Variants in INSC observed in about 807,000 individuals in gnomAD.
INSC encodes protein inscuteable homolog.
INSC carries 67 observed loss-of-function variants against 58.6 expected under a neutral mutation model. The observed-to-expected ratio is 1.14, with a 90% CI of 0.94 to 1.40. The LOEUF (loss-of-function observed/expected upper bound fraction) is 1.40. Among genes scored for constraint, INSC ranks in the 40% most tolerant of loss-of-function variants. INSC has a pLI of 0.00. For synonymous variants in INSC, 262 were observed against 276.1 expected (o/e 0.95, Z 0.51); for missense variants, 714 against 692.0 (o/e 1.03, Z -0.36).
At chr11:15,257,947 A>G in the INSC span, among the ~76,000 whole-genome samples, 3 of 152,096 alleles carry the variant, frequency 2.0e-5, no homozygotes, top group African/African-American at 7.2e-5. Context: ...ACTAAAACAC[A>G]TGGGAAAGAT....
intron 1 of INSC, among the ~76,000 whole-genome samples, chr11:15,119,000 G>C (rs1472579555): frequency 1.3e-5 from 2 of 152,204 alleles, no homozygotes; most frequent in African/African-American, 4.8e-5. Context: ...AGCTAGCAAA[G>C]ATTCCTTTCC....
chr11:15,167,624 C>T (rs1266671328), intron 2 of INSC, among the ~76,000 whole-genome samples: 1 of 151,552 alleles, frequency 6.6e-6, no homozygotes, highest in Non-Finnish European at 1.5e-5. Context: ...GAAGAGCCAC[C>T]ATGCTCAGCT....
intron 5 of INSC, among the ~76,000 whole-genome samples, chr11:15,185,940 GA>G (rs1046800436): frequency 3.3e-5 from 5 of 152,224 alleles, no homozygotes; most frequent in African/African-American, 1.2e-4. Flanking sequence ...GGTGAAATGA[GA>G]AAAAAATTCT....
At chr11:15,159,975 A>G (rs7109292) in intron 2 of INSC, among the ~76,000 whole-genome samples, 11,930 of 152,342 alleles carry the variant, frequency 0.078, 521 homozygotes, top group African/African-American at 0.11. Flanking sequence ...AATGTAATTA[A>G]GTTCCATACA....
chr11:15,112,389 G>A (rs1315510525), upstream of INSC: 5 of 1,230,730 alleles, frequency 4.1e-6, no homozygotes, highest in East Asian at 9.5e-5. Flanking sequence ...CCATGGCCCA[G>A]AAGGGTGGGC....
chr11:15,115,136 A>G (rs1590318305), intron 1 of INSC, 133 bp downstream of exon 1: 9 of 475,250 alleles, frequency 1.9e-5, no homozygotes, highest in Non-Finnish European at 2.5e-5. Flanking sequence ...TGTGAAGGGG[A>G]GCTTGCGCCA....
At chr11:15,202,083 A>G (rs1322057322) in intron 7 of INSC, among the ~76,000 whole-genome samples, 7 of 152,340 alleles carry the variant, frequency 4.6e-5, no homozygotes, top group Admixed American at 2.6e-4. Context: ...GAATCTGCTC[A>G]TTTTACAGAT....
At chr11:15,180,781 C>T (rs1380029859) in intron 5 of INSC, among the ~76,000 whole-genome samples, 1 of 151,860 alleles carries the variant, frequency 6.6e-6, no homozygotes, top group African/African-American at 2.4e-5. Context: ...TGGTGCTTTC[C>T]CCCTTCCCTG....
At chr11:15,196,095 AGC>A in intron 6 of INSC, among the ~76,000 whole-genome samples, 1 of 152,150 alleles carries the variant, frequency 6.6e-6, no homozygotes, top group Non-Finnish European at 1.5e-5. Flanking sequence ...GGCTCTCAAG[AGC>A]CATGACCAGG....
At chr11:15,130,174 A>T (rs1848092687) in intron 1 of INSC, among the ~76,000 whole-genome samples, 1 of 152,258 alleles carries the variant, frequency 6.6e-6, no homozygotes, top group African/African-American at 2.4e-5. Context: ...CTGATCTCAC[A>T]GGAAATGCTT....
At chr11:15,143,667 G>A (rs369293239) in intron 1 of INSC, among the ~76,000 whole-genome samples, 2 of 152,088 alleles carry the variant, frequency 1.3e-5, no homozygotes, top group Non-Finnish European at 2.9e-5. Flanking sequence ...TTTAGAGAGG[G>A]GCATGGCTGG....
At chr11:15,178,199 C>T in intron 4 of INSC, 125 bp from the exon 5 acceptor site, 3 of 1,280,110 alleles carry the variant, frequency 2.3e-6, no homozygotes, top group Non-Finnish European at 3.2e-6. Flanking sequence ...CCATCTCTGA[C>T]TCCCAGTTGC....
chr11:15,182,149 A>G (rs754539300), intron 5 of INSC, among the ~76,000 whole-genome samples: 9 of 152,170 alleles, frequency 5.9e-5, no homozygotes, highest in Admixed American at 2.6e-4. Context: ...TGGATACATA[A>G]TACTATCACA....
chr11:15,143,146 T>A (rs1328785518), intron 1 of INSC, among the ~76,000 whole-genome samples: 1 of 152,190 alleles, frequency 6.6e-6, no homozygotes, highest in Non-Finnish European at 1.5e-5. Context: ...ATTCCTCTAG[T>A]CCCTGCTCCC....
chr11:15,170,217 A>G (rs1485345564), intron 2 of INSC, among the ~76,000 whole-genome samples: 1 of 152,056 alleles, frequency 6.6e-6, no homozygotes, highest in Non-Finnish European at 1.5e-5. Flanking sequence ...GGTTGAATCC[A>G]TATATGCAAA....
Position 15,175,955 on chromosome 11 carries a change from A to T in INSC, c.271A>T (p.Ile91Phe), listed in dbSNP as rs1480682492. The T allele has an allele frequency of 3.7e-6, 6 of 1,613,940 alleles. No individual in the cohort carries two copies. Among genetic ancestry groups the T allele is most frequent in the Non-Finnish European group, 4.2e-6 (5 of 1,179,988 alleles). ...GGTCATTAGCACAGAGCTGCGCAGG[A>T]TCGGGCAGAAGCTGGCCCAGGACCG... is the stretch of plus-strand genomic sequence containing the variant. Reference protein sequence around the residue: ...GWVISTELRRIGQKLAQDRWA... With the variant: ...GWVISTELRRFGQKLAQDRWA... The change falls in exon 3 of 13, where the codon ATC becomes TTC. Residue 91 changes from isoleucine to phenylalanine, a missense_variant. Ile to Phe is a conservative substitution (Grantham distance 21). Transcript: ENST00000379556.
intron 12 of INSC, chr11:15,241,475 G>A (rs1564924992): frequency 1.5e-6 from 1 of 672,704 alleles, no homozygotes; most frequent in Non-Finnish European, 2.7e-6. Flanking sequence ...TACCATTAAT[G>A]AGCTGTGTGA....
At chr11:15,144,363 G>C (rs1848442691) in intron 1 of INSC, among the ~76,000 whole-genome samples, 1 of 152,212 alleles carries the variant, frequency 6.6e-6, no homozygotes, top group African/African-American at 2.4e-5. Context: ...TTCTTCCCCA[G>C]TAAAGCAGTG....
At chr11:15,170,101 A>C (rs545212760) in intron 2 of INSC, among the ~76,000 whole-genome samples, 2 of 152,188 alleles carry the variant, frequency 1.3e-5, no homozygotes, top group Non-Finnish European at 2.9e-5. Flanking sequence ...TACCTAATAC[A>C]ATGTAAATAC....
Sources: allele counts gnomAD v4.1 joint callset (sites outside exome capture counted in the v4.1 genomes callset), GRCh38; gene constraint gnomAD v4.1.1; transcripts MANE v1.5; gene names NCBI Gene and HGNC (gene_info 2026-07-23, HGNC 2026-07-21).